The following RUNX1T1 variants were observed in gnomAD, a reference collection of about 807,000 sequenced individuals.
The protein encoded by RUNX1T1 is RUNX1 partner transcriptional co-repressor 1.
A neutral mutation model predicts 62.8 loss-of-function variants in RUNX1T1; 4 were observed. The ratio of observed to expected loss-of-function variants is 0.06; its 90% CI spans 0.03 to 0.15. The LOEUF (loss-of-function observed/expected upper bound fraction) is 0.15. RUNX1T1 is among the 10% of genes least tolerant of loss of function. The pLI, the probability that RUNX1T1 is intolerant of heterozygous loss-of-function variation, is 1.00. For synonymous variants in RUNX1T1, 291 were observed against 286.0 expected, an observed-to-expected ratio of 1.02 and a Z score of -0.18; for missense variants, 508 against 754.3, an observed-to-expected ratio of 0.67 and a Z score of 3.82.
At chr8:92,033,198 C>CT (rs1320478679) in intron 1 of RUNX1T1, among the ~76,000 whole-genome samples, 4 of 152,084 alleles carry the variant, frequency 2.6e-5, no homozygotes, top group Non-Finnish European at 5.9e-5. Flanking sequence ...AACAGCCTAA[C>CT]TATTCAACAA....
rs533815578 is a variant in RUNX1T1 at position 91,990,093 on chromosome 8, C to T, written c.910+1546G>A. The stretch of plus-strand genomic sequence containing the variant: ...GTAGAAAGGTAAAAAAGGCCCTACA[C>T]GTGGAGCCCCTGTTTGCTAGCAATG... On this transcript the variant is annotated intron_variant, in intron 6 of 10. Coordinates refer to ENST00000396218, the Ensembl canonical transcript of RUNX1T1. Among the ~76,000 whole-genome samples the T allele has an allele frequency of 1.7e-3, 252 of 152,256 alleles. 2 individuals are homozygous for T. The highest frequency in any genetic ancestry group is 5.0e-3 in the African/African-American group (206 of 41,540).
intron 1 of RUNX1T1, among the ~76,000 whole-genome samples, chr8:92,059,369 T>TTAC (rs1387447676): frequency 6.6e-6 from 1 of 152,210 alleles, no homozygotes; most frequent in Non-Finnish European, 1.5e-5. Flanking sequence ...CTAGGGATAC[T>TTAC]AACAGTTGTC....
At chr8:92,102,778 A>C (rs1838098520), upstream of RUNX1T1, 1 of 1,375,606 alleles carries the variant, frequency 7.3e-7, no homozygotes. This position sits in a 1 kb window ranked among gnomAD's most constrained non-coding sequence, Gnocchi z 4.5. Context: ...GATGACGGTC[A>C]TCGGAACAGT....
chr8:92,023,093 G>C (rs1040054426), intron 1 of RUNX1T1, among the ~76,000 whole-genome samples: 4 of 152,138 alleles, frequency 2.6e-5, no homozygotes, highest in Non-Finnish European at 5.9e-5. Context: ...TCTGGACAAT[G>C]GGCCATGAAA....
Position 92,075,788 on chromosome 8 carries a change from A to G in RUNX1T1, c.88+177T>C, listed in dbSNP as rs193124432. 2.2e-4 allele frequency among the ~76,000 whole-genome samples: 33 copies of G among 152,238 alleles called. No individual in the cohort carries two copies. In the East Asian group the frequency reaches 5.6e-3, roughly 26 times the overall value. On this transcript the variant is annotated intron_variant, in intron 2 of 11. Transcript: ENST00000265814. ...GGTTCCCACCACCAGATTGATCCCC[A>G]CCCAATCCCCACACCCAAAGATTTC...
At chr8:92,026,721 T>C (rs1453038344) in intron 1 of RUNX1T1, among the ~76,000 whole-genome samples, 5 of 144,944 alleles carry the variant, frequency 3.4e-5, no homozygotes, top group African/African-American at 5.1e-5. Context: ...ACTCAGGAGG[T>C]TGAGGCAGGA....
intron 5 of RUNX1T1, 102 bp downstream of exon 6, chr8:92,005,014 G>A (rs1464376818): frequency 9.8e-7 from 1 of 1,021,838 alleles, no homozygotes; most frequent in African/African-American, 1.6e-5. Context: ...TATTGTGCAA[G>A]AATGACATAG....
intron 1 of RUNX1T1, chr8:92,095,240 GGAAAGGGA>G: frequency 6.5e-7 from 1 of 1,529,334 alleles, no homozygotes; most frequent in Non-Finnish European, 8.7e-7. Flanking sequence ...TGAATCATTT[GGAAAGGGA>G]GAGAGGGAGA....
chr8:92,102,069 G>C (rs1838062252), upstream of RUNX1T1, among the ~76,000 whole-genome samples: 1 of 152,244 alleles, frequency 6.6e-6, no homozygotes, highest in Non-Finnish European at 1.5e-5. The surrounding 1 kb of genome is among the most constrained non-coding windows in gnomAD (Gnocchi z 4.5). Context: ...CGGGCACCGA[G>C]TCGGGGCCGC....
chr8:92,088,799 G>A (rs1190105456), intron 1 of RUNX1T1, among the ~76,000 whole-genome samples: 3 of 151,776 alleles, frequency 2.0e-5, no homozygotes, highest in East Asian at 1.9e-4. Flanking sequence ...TCATATTATC[G>A]GTGGCCACCC....
At chr8:92,048,403 G>A (rs1019626520) in intron 1 of RUNX1T1, among the ~76,000 whole-genome samples, 1 of 152,142 alleles carries the variant, frequency 6.6e-6, no homozygotes, top group Non-Finnish European at 1.5e-5. Flanking sequence ...AACTGGCGGG[G>A]TATGGTGGCT....
At chr8:92,054,278 C>T (rs572316132) in intron 1 of RUNX1T1, among the ~76,000 whole-genome samples, 2 of 152,034 alleles carry the variant, frequency 1.3e-5, no homozygotes, top group Non-Finnish European at 2.9e-5. Context: ...AGGGGTAAAC[C>T]GCTGACATAA....
At chr8:91,959,257 A>G (rs562417210) in exon 11 of RUNX1T1, 1 of 218,494 alleles carries the variant, frequency 4.6e-6, no homozygotes. Context: ...TTTTAAAATT[A>G]TTTTTTTCAA....
intron 10 of RUNX1T1, among the ~76,000 whole-genome samples, chr8:91,962,397 G>A (rs975038989): frequency 6.6e-6 from 1 of 152,156 alleles, no homozygotes; most frequent in African/African-American, 2.4e-5. Flanking sequence ...CTAGAAACTT[G>A]GTTGATATGT....
At chr8:92,001,282 C>A (rs1423851952) in intron 5 of RUNX1T1, among the ~76,000 whole-genome samples, 3 of 152,080 alleles carry the variant, frequency 2.0e-5, no homozygotes, top group Non-Finnish European at 4.4e-5. Context: ...ATAATCTCAA[C>A]ACTTTGGGAG....
intron 1 of RUNX1T1, among the ~76,000 whole-genome samples, chr8:92,041,732 A>G (rs1025623050): frequency 6.6e-6 from 1 of 151,584 alleles, no homozygotes; most frequent in Non-Finnish European, 1.5e-5. Context: ...ACAGAGCACT[A>G]CTCTGTCCCA....
Position 92,014,282 on chromosome 8 carries a change from TACACACACAC to T in RUNX1T1, c.387+287_387+296del, listed in dbSNP as rs34477770. Among the ~76,000 whole-genome samples, 1,079 of 149,564 alleles carry T rather than the reference TACACACACAC, an allele frequency of 7.2e-3. 13 individuals carry two copies. The highest frequency in any genetic ancestry group is 0.025 in the African/African-American group (1,005 of 40,840). On this transcript the variant is annotated intron_variant, in intron 3 of 10. Coordinates refer to ENST00000396218, the Ensembl canonical transcript of RUNX1T1. ...TGAAATACTGAAATACACGTGCACA[TACACACACAC>T]ACACACACACATTTATATATATAAC...
At chr8:92,075,142 G>A (rs1222900301) in intron 2 of RUNX1T1, among the ~76,000 whole-genome samples, 2 of 152,228 alleles carry the variant, frequency 1.3e-5, no homozygotes, top group African/African-American at 4.8e-5. Flanking sequence ...TAGTCAGTCA[G>A]TCAGTCACAG....
chr8:92,014,502 C>T (rs765015775), intron 3 of RUNX1T1, 77 bp downstream of exon 4: 70 of 1,278,650 alleles, frequency 5.5e-5, no homozygotes, highest in Non-Finnish European at 7.0e-5. Flanking sequence ...CTTGCGAGAA[C>T]GGTGTCTACA....
Sources: allele counts gnomAD v4.1 joint callset (sites outside exome capture counted in the v4.1 genomes callset), GRCh38; gene constraint gnomAD v4.1.1; non-coding constraint Gnocchi (gnomAD v3.1); transcripts MANE v1.5; gene names NCBI Gene and HGNC (gene_info 2026-07-23, HGNC 2026-07-21).